The following DLG2 variants were observed in gnomAD, a reference collection of about 807,000 sequenced individuals.
DLG2 encodes disks large homolog 2.
In DLG2, 45 loss-of-function variants were observed where a neutral mutation model predicts 132.5. The observed-to-expected ratio is 0.34, with a 90% confidence interval of 0.27 to 0.44. The LOEUF (loss-of-function observed/expected upper bound fraction) is 0.44, where lower values mean the gene tolerates loss of function less well. Ranked by LOEUF, DLG2 falls within the 20% of genes least tolerant of loss-of-function variation. The pLI, the probability that DLG2 is intolerant of heterozygous loss-of-function variation, is 1.00. For missense variants in DLG2, 1,045 were observed against 1,196.9 expected, an observed-to-expected ratio of 0.87 and a Z score of 1.87; for synonymous variants, 424 against 419.6, an observed-to-expected ratio of 1.01 and a Z score of -0.13.
chr11:85,588,229 G>A (rs1464976107), intron 3 of DLG2, among the ~76,000 whole-genome samples: 1 of 152,104 alleles, frequency 6.6e-6, no homozygotes, highest in Non-Finnish European at 1.5e-5. Flanking sequence ...TGAGCTTCTT[G>A]TATTTGGATG....
chr11:83,807,862 G>T (rs182105759), intron 17 of DLG2, among the ~76,000 whole-genome samples: 31 of 152,220 alleles, frequency 2.0e-4, no homozygotes, highest in Admixed American at 1.9e-3. Flanking sequence ...GCTAACATAA[G>T]AGATACGGTC....
In DLG2 at chr11:83,744,462, C is replaced by T. The variant is rs527989325; in HGVS notation, c.1825+42228G>A. ...TAAATTATAAGGTATTGCTTTTTGG[C>T]AAATCTGTGAACTCATTTCCCATAT... On this transcript the variant is annotated intron_variant, in intron 18 of 27. Transcript: ENST00000376104. 5.9e-5 allele frequency among the ~76,000 whole-genome samples: 9 copies of T among 152,276 alleles called. No individual in the cohort carries two copies. In the South Asian group the frequency reaches 1.4e-3, roughly 25 times the overall value.
At chr11:83,604,902 G>T (rs1256751669) in intron 19 of DLG2, among the ~76,000 whole-genome samples, 1 of 152,058 alleles carries the variant, frequency 6.6e-6, no homozygotes, top group African/African-American at 2.4e-5. Context: ...CTATTGTTTG[G>T]ACTAAGCTCC....
intron 3 of DLG2, among the ~76,000 whole-genome samples, 197 bp downstream of exon 3, chr11:85,598,460 T>C (rs1166283347): frequency 4.6e-5 from 7 of 152,064 alleles, no homozygotes; most frequent in Admixed American, 4.6e-4. Context: ...TTTCAAACAA[T>C]TCCTTTCTAG....
chr11:83,687,947 A>C (rs2080110666), intron 18 of DLG2, among the ~76,000 whole-genome samples: 1 of 151,868 alleles, frequency 6.6e-6, no homozygotes, highest in Non-Finnish European at 1.5e-5. Context: ...CACTGACACT[A>C]CAGTGAGGTA....
At chr11:84,511,317 A>G (rs1347913202) in intron 7 of DLG2, among the ~76,000 whole-genome samples, 1 of 152,142 alleles carries the variant, frequency 6.6e-6, no homozygotes, top group Admixed American at 6.6e-5. Context: ...ATATGAATGC[A>G]TGTATGAATA....
intron 3 of DLG2, among the ~76,000 whole-genome samples, chr11:85,435,707 A>C (rs2091442475): frequency 6.6e-6 from 1 of 152,236 alleles, no homozygotes. Context: ...GGATAGGAAG[A>C]GTTAATATTG....
chr11:85,533,978 GTTTTT>G, intron 3 of DLG2, among the ~76,000 whole-genome samples: 2 of 152,150 alleles, frequency 1.3e-5, no homozygotes, highest in East Asian at 3.9e-4. Context: ...TTGCTCTCTG[GTTTTT>G]TGTTTTTTGT....
At chr11:85,146,951 C>G (rs2076902739) in intron 5 of DLG2, among the ~76,000 whole-genome samples, 2 of 152,232 alleles carry the variant, frequency 1.3e-5, no homozygotes, top group African/African-American at 2.4e-5. Flanking sequence ...AATGCTTCAT[C>G]TGTGGACACC....
intron 4 of DLG2, among the ~76,000 whole-genome samples, chr11:85,277,043 TG>T (rs2077934361): frequency 1.3e-5 from 2 of 151,906 alleles, no homozygotes; most frequent in South Asian, 4.2e-4. Flanking sequence ...AATTTCCAGA[TG>T]AAAACAAAGG....
intron 19 of DLG2, among the ~76,000 whole-genome samples, chr11:83,572,236 T>TA (rs1405353475): frequency 6.6e-6 from 1 of 152,168 alleles, no homozygotes. Flanking sequence ...TTGAAAAGCA[T>TA]ACACCCTTTG....
At chr11:83,935,397 G>A (rs943672940) in intron 14 of DLG2, among the ~76,000 whole-genome samples, 5 of 152,166 alleles carry the variant, frequency 3.3e-5, no homozygotes, top group African/African-American at 1.2e-4. Context: ...AAGAGAATTA[G>A]TATCAGGCTG....
At chr11:84,714,604 T>TC (rs1565749957) in intron 6 of DLG2, among the ~76,000 whole-genome samples, 15 of 114,324 alleles carry the variant, frequency 1.3e-4, no homozygotes, top group African/African-American at 6.5e-4. Context: ...TTTCTTTCTC[T>TC]TTCTCTTTCT....
At chr11:84,470,227 A>T (rs1233828541) in intron 7 of DLG2, among the ~76,000 whole-genome samples, 1 of 151,754 alleles carries the variant, frequency 6.6e-6, no homozygotes, top group Non-Finnish European at 1.5e-5. Context: ...AGATAAGAGG[A>T]AAATGGAAAT....
intron 7 of DLG2, among the ~76,000 whole-genome samples, chr11:84,355,161 T>A (rs2098603764): frequency 6.6e-6 from 1 of 152,032 alleles, no homozygotes; most frequent in African/African-American, 2.4e-5. Context: ...TGTGAATGCT[T>A]CTTAGAGGTG....
In DLG2 at chr11:84,629,341, C is replaced by CT. The variant is rs1475715755; in HGVS notation, c.358-94611dup. 3.9e-5 allele frequency among the ~76,000 whole-genome samples: 6 copies of CT among 152,206 alleles called. 1 individual carries two copies. The highest frequency in any genetic ancestry group is 1.4e-4 in the African/African-American group (6 of 41,538). On this transcript the variant is annotated intron_variant, in intron 6 of 27. Coordinates refer to ENST00000376104, the MANE Select transcript of DLG2 (RefSeq NM_001142699.3). ...ACTGAAAAAATACTCCCCTTTGTTCCTTTTTTTGTTGTTTTTATTCACATG... is the reference window on the plus strand; with the variant it reads ...ACTGAAAAAATACTCCCCTTTGTTCCTTTTTTTTGTTGTTTTTATTCACATG...
At chr11:85,509,274 C>T (rs1196783713) in intron 3 of DLG2, among the ~76,000 whole-genome samples, 20 of 152,130 alleles carry the variant, frequency 1.3e-4, no homozygotes. Context: ...GGAAATTAAA[C>T]TACTGCATGT....
chr11:84,655,360 G>A (rs1024767223), intron 6 of DLG2, among the ~76,000 whole-genome samples: 1 of 152,132 alleles, frequency 6.6e-6, no homozygotes, highest in Non-Finnish European at 1.5e-5. Flanking sequence ...CTTTAATGTT[G>A]AGCAGCCTGC....
At chr11:83,804,472 A>C (rs905303549) in intron 17 of DLG2, among the ~76,000 whole-genome samples, 4 of 151,854 alleles carry the variant, frequency 2.6e-5, no homozygotes, top group Non-Finnish European at 5.9e-5. Context: ...GAACATTATA[A>C]TAAAAACTCA....
Sources: gnomAD v4.1 joint callset for allele counts (sites outside exome capture counted in the v4.1 genomes callset) on GRCh38, gnomAD v4.1.1 for gene constraint, MANE v1.5 for transcripts, NCBI Gene and HGNC (gene_info 2026-07-23, HGNC 2026-07-21) for gene names.